CNTNAP5: variants seen among roughly 807,000 people sequenced by gnomAD.
CNTNAP5 encodes the protein contactin-associated protein-like 5.
In CNTNAP5, 72 loss-of-function variants were observed where a neutral mutation model predicts 150.2. The ratio of observed to expected loss-of-function variants is 0.48; its 90% confidence interval spans 0.40 to 0.58. The LOEUF is 0.58. Among genes scored for constraint, CNTNAP5 ranks in the 20% least tolerant of loss-of-function variants. The pLI is 0.00. For synonymous variants in CNTNAP5, 672 were observed against 619.8 expected, an observed-to-expected ratio of 1.08 and a Z score of -1.25; for missense variants, 1,636 against 1,626.2, an observed-to-expected ratio of 1.01 and a Z score of -0.10.
At chr2:124,133,252 G>A (rs1683901076) in intron 1 of CNTNAP5, among the ~76,000 whole-genome samples, 1 of 151,930 alleles carries the variant, frequency 6.6e-6, no homozygotes. Flanking sequence ...AGCTCCTTCT[G>A]TTTTAAGTGA....
chr2:124,273,914 C>T (rs529581719), intron 3 of CNTNAP5, among the ~76,000 whole-genome samples: 1 of 152,200 alleles, frequency 6.6e-6, no homozygotes, highest in East Asian at 1.9e-4. Context: ...AGCAAAATTG[C>T]TGGAGAAGAG....
At chr2:124,751,021 G>T (rs1339252288) in intron 14 of CNTNAP5, among the ~76,000 whole-genome samples, 1 of 148,314 alleles carries the variant, frequency 6.7e-6, no homozygotes, top group Non-Finnish European at 1.5e-5. Flanking sequence ...GGCAAAAACT[G>T]CCATGAGTTT....
At chr2:124,294,600 A>G (rs1253585882) in intron 3 of CNTNAP5, among the ~76,000 whole-genome samples, 1 of 152,192 alleles carries the variant, frequency 6.6e-6, no homozygotes, top group Non-Finnish European at 1.5e-5. Flanking sequence ...GAACAGAATA[A>G]GGATGAGATG....
At chr2:124,371,944 G>A (rs1690538439) in intron 3 of CNTNAP5, among the ~76,000 whole-genome samples, 1 of 151,994 alleles carries the variant, frequency 6.6e-6, no homozygotes, top group African/African-American at 2.4e-5. Flanking sequence ...GGATGGCTAG[G>A]CAGCTGGTGA....
intron 2 of CNTNAP5, among the ~76,000 whole-genome samples, chr2:124,237,451 G>T (rs1489050306): frequency 6.6e-6 from 1 of 152,142 alleles, no homozygotes; most frequent in Non-Finnish European, 1.5e-5. Flanking sequence ...TTGGAATGCA[G>T]GATTAGCAAT....
intron 19 of CNTNAP5, among the ~76,000 whole-genome samples, chr2:124,839,501 T>C (rs775065068): frequency 2.6e-5 from 4 of 151,964 alleles, no homozygotes; most frequent in Non-Finnish European, 4.4e-5. Flanking sequence ...ATTTCCCTTT[T>C]TAAATCCAAT....
chr2:124,235,789 C>A (rs1686730892), intron 2 of CNTNAP5, among the ~76,000 whole-genome samples: 1 of 152,054 alleles, frequency 6.6e-6, no homozygotes, highest in Admixed American at 6.6e-5. Flanking sequence ...GATTATTATC[C>A]AAAATCACCA....
intron 3 of CNTNAP5, among the ~76,000 whole-genome samples, chr2:124,260,054 T>G (rs573637632): frequency 6.6e-6 from 1 of 152,140 alleles, no homozygotes; most frequent in Admixed American, 6.5e-5. Context: ...GAGCCCGCAT[T>G]GCCAAGTCAA....
chr2:124,274,786 G>A (rs1687846942), intron 3 of CNTNAP5, among the ~76,000 whole-genome samples: 2 of 152,146 alleles, frequency 1.3e-5, no homozygotes, highest in South Asian at 4.1e-4. Flanking sequence ...AGTGTTGCTG[G>A]TTTGGGGTTC....
chr2:124,456,104 C>G (rs578249292), intron 6 of CNTNAP5, among the ~76,000 whole-genome samples: 1 of 152,084 alleles, frequency 6.6e-6, no homozygotes, highest in African/African-American at 2.4e-5. Context: ...GCATCCAAAA[C>G]AGTAAAAAGA....
chr2:124,785,402 A>G (rs771523747), intron 17 of CNTNAP5, among the ~76,000 whole-genome samples: 1 of 152,210 alleles, frequency 6.6e-6, no homozygotes, highest in African/African-American at 2.4e-5. Flanking sequence ...TTTTAGAAGT[A>G]TTTTTTGTGT....
intron 22 of CNTNAP5, among the ~76,000 whole-genome samples, chr2:124,904,282 A>G (rs958972255): frequency 3.3e-5 from 5 of 152,094 alleles, no homozygotes; most frequent in Non-Finnish European, 7.4e-5. Context: ...CCTCTAGGTT[A>G]TTCCATAGTG....
At chr2:124,148,735 C>T (rs1684323721) in intron 1 of CNTNAP5, among the ~76,000 whole-genome samples, 1 of 150,426 alleles carries the variant, frequency 6.6e-6, no homozygotes, top group African/African-American at 2.4e-5. Flanking sequence ...TCTTTTATCT[C>T]ATATATATGC....
chr2:124,772,777 C>T (rs2104611244), intron 16 of CNTNAP5, 22 bp from the exon 17 acceptor site: 2 of 1,600,272 alleles, frequency 1.2e-6, no homozygotes, highest in South Asian at 1.1e-5. Flanking sequence ...TCTATCCTTC[C>T]TGTTTTCCTT....
chr2:124,226,645 T>C (rs907210295), intron 2 of CNTNAP5, among the ~76,000 whole-genome samples: 21 of 152,306 alleles, frequency 1.4e-4, no homozygotes, highest in African/African-American at 4.6e-4. Context: ...TTGTTGTCTG[T>C]GCTTTAGATA....
chr2:124,408,034 C>A (rs534887216), intron 3 of CNTNAP5, among the ~76,000 whole-genome samples: 5 of 151,728 alleles, frequency 3.3e-5, no homozygotes, highest in African/African-American at 9.7e-5. Flanking sequence ...GCGCACCGTA[C>A]GCCAGCCGAA....
At chr2:124,236,247 T>C (rs1189765667) in intron 2 of CNTNAP5, among the ~76,000 whole-genome samples, 1 of 152,178 alleles carries the variant, frequency 6.6e-6, no homozygotes, top group Non-Finnish European at 1.5e-5. Flanking sequence ...ATTACAGGCG[T>C]GAGCCAAGTT....
At chr2:124,475,939 T>A (rs1294496903) in intron 7 of CNTNAP5, among the ~76,000 whole-genome samples, 1 of 152,132 alleles carries the variant, frequency 6.6e-6, no homozygotes, top group African/African-American at 2.4e-5. Context: ...CCTGGGTTTT[T>A]AAAAATTCTC....
chr2:124,184,419 A>G (rs530396333), intron 1 of CNTNAP5, among the ~76,000 whole-genome samples: 2 of 152,288 alleles, frequency 1.3e-5, no homozygotes, highest in African/African-American at 4.8e-5. Flanking sequence ...TCAGATAAAG[A>G]ATGAATCTTT....
Sources: gnomAD v4.1 joint callset for allele counts (sites outside exome capture counted in the v4.1 genomes callset) on GRCh38, gnomAD v4.1.1 for gene constraint, MANE v1.5 for transcripts, NCBI Gene and HGNC (gene_info 2026-07-23, HGNC 2026-07-21) for gene names.